ZDHHC14: variants seen among roughly 807,000 people sequenced by gnomAD.
ZDHHC14 encodes palmitoyltransferase ZDHHC14.
Under a neutral mutation model 47.7 loss-of-function variants are expected in ZDHHC14, and 16 were observed. That is an observed-to-expected ratio of 0.34 (90% CI 0.23 to 0.51). The LOEUF (loss-of-function observed/expected upper bound fraction) is 0.51, where lower values mean the gene tolerates loss of function less well. Among genes scored for constraint, ZDHHC14 ranks in the 20% least tolerant of loss-of-function variants. The pLI is 0.97. For missense variants in ZDHHC14, 515 were observed against 662.5 expected, an observed-to-expected ratio of 0.78 and a Z score of 2.44; for synonymous variants, 293 against 278.9, an observed-to-expected ratio of 1.05 and a Z score of -0.50.
Position 157,673,687 on chromosome 6 carries a change from G to A in ZDHHC14, c.*565G>A, listed in dbSNP as rs1778908924. On this transcript the variant is annotated 3_prime_UTR_variant, in exon 9 of 9. Transcript: ENST00000359775. The surrounding 1 kb of genome is among the most constrained non-coding windows in gnomAD (Gnocchi z 5.4). Reference sequence around the variant, plus strand: ...ATTTTCAAGTGCTGTTTTGTTGGAAGACAGTGCAACGAACTGAGACTAATG... The same window carrying A: ...ATTTTCAAGTGCTGTTTTGTTGGAAAACAGTGCAACGAACTGAGACTAATG... The A allele has an allele frequency of 6.5e-6, 1 of 152,952 alleles. No individual in the cohort carries two copies. Among genetic ancestry groups the A allele is most frequent in the South Asian group, 2.1e-4 (1 of 4,844 alleles). The allele number at this position is 152,952 out of a possible 1,614,324, so 9.5% of individuals were successfully genotyped here.
chr6:157,481,491 C>T (rs972400691), intron 1 of ZDHHC14, among the ~76,000 whole-genome samples: 1 of 152,202 alleles, frequency 6.6e-6, no homozygotes, highest in African/African-American at 2.4e-5. Context: ...GCACTCCCAC[C>T]GACCCTCTGA....
At chr6:157,407,375 GC>G (rs1388643749) in intron 1 of ZDHHC14, among the ~76,000 whole-genome samples, 1 of 151,866 alleles carries the variant, frequency 6.6e-6, no homozygotes, top group Non-Finnish European at 1.5e-5. Flanking sequence ...GGAACCCTCT[GC>G]CTCCTAGGAT....
intron 1 of ZDHHC14, among the ~76,000 whole-genome samples, chr6:157,434,467 G>T (rs1365811048): frequency 6.6e-6 from 1 of 151,928 alleles, no homozygotes; most frequent in African/African-American, 2.4e-5. Context: ...CATTCCCTAA[G>T]TCCCCCTGAG....
chr6:157,645,453 T>C (rs556740231), intron 5 of ZDHHC14, among the ~76,000 whole-genome samples: 1 of 152,058 alleles, frequency 6.6e-6, no homozygotes, highest in African/African-American at 2.4e-5. Flanking sequence ...CAAGTAGAAG[T>C]CAGAGGAAAG....
At chr6:157,548,442 T>TGTTG (rs1782078381) in intron 2 of ZDHHC14, among the ~76,000 whole-genome samples, 1 of 151,134 alleles carries the variant, frequency 6.6e-6, no homozygotes, top group African/African-American at 2.4e-5. Context: ...TGTTGTTGTT[T>TGTTG]GTTTGTTTGT....
intron 2 of ZDHHC14, among the ~76,000 whole-genome samples, chr6:157,556,813 C>T (rs2114833344): frequency 6.6e-6 from 1 of 152,284 alleles, no homozygotes; most frequent in Middle Eastern, 3.4e-3. Context: ...CTGCCACCAG[C>T]TGAAGGACAG....
chr6:157,411,285 C>T (rs2114758095), intron 1 of ZDHHC14, among the ~76,000 whole-genome samples: 1 of 152,222 alleles, frequency 6.6e-6, no homozygotes, highest in East Asian at 1.9e-4. Context: ...ACAGTGACAT[C>T]ATACAGAGAT....
At chr6:157,549,899 G>T (rs1436859465) in intron 2 of ZDHHC14, among the ~76,000 whole-genome samples, 1 of 152,230 alleles carries the variant, frequency 6.6e-6, no homozygotes, top group Non-Finnish European at 1.5e-5. Flanking sequence ...TGAAGCCATT[G>T]TCTGATGCAA....
At chr6:157,655,031 G>C (rs1281583285) in intron 8 of ZDHHC14, among the ~76,000 whole-genome samples, 3 of 152,188 alleles carry the variant, frequency 2.0e-5, no homozygotes, top group Non-Finnish European at 4.4e-5. Flanking sequence ...CACTGTGCCA[G>C]GCGTGTTTTC....
chr6:157,417,579 C>T (rs1325247030), intron 1 of ZDHHC14, among the ~76,000 whole-genome samples: 1 of 152,162 alleles, frequency 6.6e-6, no homozygotes, highest in African/African-American at 2.4e-5. Flanking sequence ...GAGTTTGGCA[C>T]ATAGTGTGCC....
intron 1 of ZDHHC14, among the ~76,000 whole-genome samples, chr6:157,465,312 T>C (rs1779186319): frequency 6.6e-6 from 1 of 152,148 alleles, no homozygotes; most frequent in East Asian, 1.9e-4. Context: ...ACTCTGAAAC[T>C]AAAAACATCT....
chr6:157,672,641 CGTGCCCTGTCCCCATCCCTGT>C, intron 8 of ZDHHC14, 62 bp from the exon 9 acceptor site: 11 of 502,986 alleles, frequency 2.2e-5, no homozygotes, highest in South Asian at 5.9e-5. Flanking sequence ...CCTCCCCGCC[CGTGCCCTGTCCCCATCCCTGT>C]CCCTCCCCAC....
intron 4 of ZDHHC14, 25 bp from the exon 5 acceptor site, chr6:157,632,809 C>T (rs777703222): frequency 1.2e-5 from 20 of 1,613,284 alleles, no homozygotes; most frequent in Non-Finnish European, 1.5e-5. Flanking sequence ...TATCTGAATA[C>T]TAAATGTTGG....
chr6:157,573,082 A>G (rs1469658649), intron 2 of ZDHHC14, among the ~76,000 whole-genome samples: 1 of 152,108 alleles, frequency 6.6e-6, no homozygotes, highest in East Asian at 1.9e-4. Context: ...TTTTCTAACG[A>G]AATTACCCCC....
In ZDHHC14 at chr6:157,628,686, A is replaced by G. The variant is rs557698678; in HGVS notation, c.703+200A>G. 3.8e-4 allele frequency: 223 copies of G among 587,860 alleles called. 1 individual carries two copies. In the African/African-American group the frequency reaches 4.1e-3, roughly 11 times the overall value. The allele number at this position is 587,860 out of a possible 1,614,324, so 36.4% of individuals were successfully genotyped here. On this transcript the variant is annotated intron_variant, in intron 4 of 8. Transcript: ENST00000359775. ...CCTCCTCCGTCCCCTGTCATCCCCC[A>G]CTCCCCACCCCATCTTTCACAGCAC...
chr6:157,416,980 T>TG (rs1431419139), intron 1 of ZDHHC14, among the ~76,000 whole-genome samples: 33 of 107,110 alleles, frequency 3.1e-4, no homozygotes, highest in African/African-American at 1.1e-3. Context: ...TAGTTTTTTT[T>TG]TTTTTTTTTT....
chr6:157,660,775 C>G (rs1232465176), intron 8 of ZDHHC14, among the ~76,000 whole-genome samples: 1 of 152,202 alleles, frequency 6.6e-6, no homozygotes, highest in African/African-American at 2.4e-5. Flanking sequence ...CCTTCAAACT[C>G]TCTTGTTCTC....
At chr6:157,530,398 G>T (rs1221526996) in intron 1 of ZDHHC14, among the ~76,000 whole-genome samples, 3 of 152,220 alleles carry the variant, frequency 2.0e-5, no homozygotes, top group Non-Finnish European at 4.4e-5. Context: ...TTTTAGGTGA[G>T]ATAAAGGAAT....
intron 2 of ZDHHC14, among the ~76,000 whole-genome samples, chr6:157,544,666 AACAACAACC>A (rs1781903139): frequency 1.1e-5 from 1 of 94,218 alleles, no homozygotes; most frequent in Non-Finnish European, 2.0e-5. Context: ...CAACAACAAC[AACAACAACC>A]AAAAAATAGA....
Sources: allele counts gnomAD v4.1 joint callset (sites outside exome capture counted in the v4.1 genomes callset), GRCh38; gene constraint gnomAD v4.1.1; non-coding constraint Gnocchi (gnomAD v3.1); transcripts MANE v1.5; gene names NCBI Gene and HGNC (gene_info 2026-07-23, HGNC 2026-07-21).